Variants in RNLS observed in about 807,000 individuals in gnomAD.
RNLS encodes renalase, FAD dependent amine oxidase.
RNLS carries 39 observed loss-of-function variants against 39.8 expected under a neutral mutation model. That is an observed-to-expected ratio of 0.98 (90% CI 0.76 to 1.28). The LOEUF (loss-of-function observed/expected upper bound fraction) is 1.28, where lower values mean the gene tolerates loss of function less well. RNLS is among the 50% of genes most tolerant of loss of function. RNLS has a pLI of 0.00. For missense variants in RNLS, 410 were observed against 413.3 expected, an observed-to-expected ratio of 0.99 and a Z score of 0.07; for synonymous variants, 147 against 150.7, an observed-to-expected ratio of 0.98 and a Z score of 0.18.
the RNLS span, among the ~76,000 whole-genome samples, chr10:88,223,113 T>C: frequency 6.1e-3 from 923 of 152,318 alleles, 11 homozygotes; most frequent in African/African-American, 0.021. Context: ...GATACATGGC[T>C]TGTGAGGGCA....
At chr10:88,270,581 G>C (rs577367887), downstream of RNLS, among the ~76,000 whole-genome samples, 1 of 152,268 alleles carries the variant, frequency 6.6e-6, no homozygotes, top group Non-Finnish European at 1.5e-5. Context: ...AGCAACTTGA[G>C]TCTGGTTCCA....
At chr10:88,419,135 A>T (rs1275813169) in intron 4 of RNLS, among the ~76,000 whole-genome samples, 1 of 152,162 alleles carries the variant, frequency 6.6e-6, no homozygotes, top group Non-Finnish European at 1.5e-5. Context: ...AGCCTATTGC[A>T]GGGTTCATAT....
chr10:88,213,776 T>C, the RNLS span, among the ~76,000 whole-genome samples: 3 of 152,222 alleles, frequency 2.0e-5, no homozygotes, highest in African/African-American at 7.2e-5. Context: ...CAACAGGCTG[T>C]TGTACTGATT....
At chr10:88,492,863 A>C (rs1003094058) in intron 4 of RNLS, among the ~76,000 whole-genome samples, 6 of 151,944 alleles carry the variant, frequency 3.9e-5, no homozygotes, top group Admixed American at 2.6e-4. Context: ...GAATGACCAA[A>C]CTTAGAGACA....
chr10:88,493,481 T>TA (rs952128890), intron 4 of RNLS, among the ~76,000 whole-genome samples: 10 of 151,124 alleles, frequency 6.6e-5, no homozygotes, highest in East Asian at 5.8e-4. Flanking sequence ...TATTGTGATT[T>TA]AAAAAAAAAC....
chr10:88,582,639 A>G (rs185788187), intron 1 of RNLS, among the ~76,000 whole-genome samples: 15 of 152,342 alleles, frequency 9.8e-5, no homozygotes, highest in Admixed American at 9.8e-4. Context: ...TCTGCAAACT[A>G]GATCTTCAGA....
downstream of RNLS, among the ~76,000 whole-genome samples, chr10:88,283,396 A>G (rs557733448): frequency 9.9e-5 from 15 of 152,232 alleles, no homozygotes; most frequent in South Asian, 3.1e-3. Flanking sequence ...CAAGCAACCC[A>G]TCCCAGCTTT....
rs1231196958 is a variant in RNLS, at chr10:88,343,877, G to A, written c.700+18675C>T. ...GAAACGTCCCTGGAGCAGAGGATTTGTCCTAACTCACATTTGGTTTTCCAG... is the reference window on the plus strand; with the variant it reads ...GAAACGTCCCTGGAGCAGAGGATTTATCCTAACTCACATTTGGTTTTCCAG... On this transcript the variant is annotated intron_variant, in intron 5 of 6. Transcript: ENST00000331772. The A allele has an allele frequency of 5.3e-6, 5 of 948,998 alleles. No individual in the cohort carries two copies. The African/African-American group carries it at 8.8e-5, about 17-fold the overall frequency. 58.8% of individuals were successfully genotyped at this position (948,998 alleles called of 1,614,324 possible). A position where few individuals can be genotyped will look rare whatever the true frequency, so the allele number is the denominator to read the frequency against.
intron 6 of RNLS, among the ~76,000 whole-genome samples, chr10:88,302,738 G>A (rs1844617157): frequency 6.6e-6 from 1 of 152,178 alleles, no homozygotes; most frequent in Non-Finnish European, 1.5e-5. Context: ...TGTCGAGGTG[G>A]CTGACTACTT....
At chr10:88,530,805 G>A (rs1169441773) in intron 4 of RNLS, among the ~76,000 whole-genome samples, 3 of 151,920 alleles carry the variant, frequency 2.0e-5, no homozygotes, top group Non-Finnish European at 4.4e-5. Flanking sequence ...ATATGGCTTT[G>A]ATTCTGGCTA....
downstream of RNLS, among the ~76,000 whole-genome samples, chr10:88,273,247 C>A (rs1304980083): frequency 6.6e-6 from 1 of 152,116 alleles, no homozygotes; most frequent in East Asian, 1.9e-4. Context: ...AACACAAGGC[C>A]AATTGGCTGC....
At chr10:88,571,374 G>T (rs1849825050) in intron 4 of RNLS, among the ~76,000 whole-genome samples, 1 of 152,166 alleles carries the variant, frequency 6.6e-6, no homozygotes, top group Non-Finnish European at 1.5e-5. Flanking sequence ...GGCATAGACT[G>T]TGGTAATGGT....
intron 4 of RNLS, among the ~76,000 whole-genome samples, chr10:88,559,598 T>A (rs928994277): frequency 6.6e-6 from 1 of 152,154 alleles, no homozygotes; most frequent in Admixed American, 6.6e-5. Context: ...AGACCATTCT[T>A]CTCTCTAAAG....
chr10:88,476,901 C>G (rs144408127), intron 4 of RNLS, among the ~76,000 whole-genome samples: 3 of 152,202 alleles, frequency 2.0e-5, no homozygotes, highest in African/African-American at 7.2e-5. Flanking sequence ...TCTTATGCAA[C>G]AAGGCCTGCT....
At chr10:88,319,050 T>G (rs1359709542) in intron 5 of RNLS, among the ~76,000 whole-genome samples, 1 of 152,166 alleles carries the variant, frequency 6.6e-6, no homozygotes, top group Non-Finnish European at 1.5e-5. Context: ...CTAGTGTATG[T>G]GATGAGACTT....
intron 5 of RNLS, among the ~76,000 whole-genome samples, chr10:88,334,718 T>C (rs1467872163): frequency 6.6e-6 from 1 of 152,214 alleles, no homozygotes; most frequent in Non-Finnish European, 1.5e-5. Flanking sequence ...ACATTTCTTT[T>C]TTTTCCCTTG....
chr10:88,431,548 C>T (rs1855133974), intron 4 of RNLS, among the ~76,000 whole-genome samples: 1 of 151,544 alleles, frequency 6.6e-6, no homozygotes, highest in African/African-American at 2.4e-5. Context: ...TTTCTATCTT[C>T]CTGAGGTAGA....
chr10:88,407,028 T>C (rs990755958), intron 4 of RNLS, among the ~76,000 whole-genome samples: 1 of 151,962 alleles, frequency 6.6e-6, no homozygotes, highest in Non-Finnish European at 1.5e-5. Context: ...AATGATACAA[T>C]GGACTTTGGG....
At chr10:88,445,015 G>A (rs192662416) in intron 4 of RNLS, among the ~76,000 whole-genome samples, 376 of 152,242 alleles carry the variant, frequency 2.5e-3, no homozygotes, top group Non-Finnish European at 3.7e-3. Context: ...GACACATAAT[G>A]TCAGATTCAC....
Sources: gnomAD v4.1 joint callset for allele counts (sites outside exome capture counted in the v4.1 genomes callset) on GRCh38, gnomAD v4.1.1 for gene constraint, MANE v1.5 for transcripts, NCBI Gene and HGNC (gene_info 2026-07-23, HGNC 2026-07-21) for gene names.